Variants in HPR observed in about 807,000 individuals in gnomAD.
The protein encoded by HPR is haptoglobin-related protein, also known as Haptoglobin-related locus.
In HPR, 17 loss-of-function variants were observed where a neutral mutation model predicts 18.5. The ratio of observed to expected loss-of-function variants is 0.92; its 90% CI spans 0.63 to 1.38. The LOEUF (loss-of-function observed/expected upper bound fraction) is 1.38. HPR is among the 40% of genes most tolerant of loss of function. The pLI is 0.00. For synonymous variants in HPR, 176 were observed against 165.0 expected, an observed-to-expected ratio of 1.07 and a Z score of -0.51; for missense variants, 457 against 432.4, an observed-to-expected ratio of 1.06 and a Z score of -0.51.
chr16:72,076,607 C>T lies in HPR; in HGVS notation c.573C>T (p.Leu191=), dbSNP rs571997120. The change falls in exon 5 of 5, where the codon CTC becomes CTT. Residue 191 remains leucine, a synonymous_variant. Transcript: ENST00000540303. ...HPNYHQVDIG[L]IKLKQKVLVN... ...ACTACCACCAGGTAGATATTGGGCT[C>T]ATCAAACTCAAACAGAAGGTGCTTG... 3.3e-5 allele frequency: 54 copies of T among 1,614,196 alleles called. No individual in the cohort carries two copies. The highest frequency in any genetic ancestry group is 4.4e-5 in the Non-Finnish European group (52 of 1,180,014).
chr16:72,067,131 A>C (rs2041606276), intron 1 of HPR, among the ~76,000 whole-genome samples: 1 of 152,170 alleles, frequency 6.6e-6, no homozygotes, highest in African/African-American at 2.4e-5. Flanking sequence ...AAAAGGAGAG[A>C]GAAGCCCTTC....
At chr16:72,063,995 C>G (rs1245023575) in intron 1 of HPR, among the ~76,000 whole-genome samples, 1 of 152,144 alleles carries the variant, frequency 6.6e-6, no homozygotes, top group Non-Finnish European at 1.5e-5. Flanking sequence ...CTGTCTCGGC[C>G]TCCCAAAGTG....
At chr16:72,075,954 C>T (rs545682089) in intron 4 of HPR, among the ~76,000 whole-genome samples, 24 of 151,684 alleles carry the variant, frequency 1.6e-4, no homozygotes, top group Non-Finnish European at 2.9e-4. Flanking sequence ...GGATTACAGG[C>T]GTGAGCCACC....
chr16:72,076,717 A>G lies in HPR; in HGVS notation c.683A>G (p.Gln228Arg), dbSNP rs369168263. Residue 228 changes from glutamine to arginine, a missense_variant, in exon 5 of 5, where the codon CAA becomes CGA. Coordinates refer to ENST00000540303, the MANE Select transcript of HPR (RefSeq NM_020995.4). ...GTGGGTTACGTGTCTGGCTGGGGAC[A>G]AAGTGACAACTTTAAACTTACTGAC... Reference protein sequence around the residue: ...GRVGYVSGWGQSDNFKLTDHL... With the variant: ...GRVGYVSGWGRSDNFKLTDHL... 9 of 1,614,092 alleles carry G rather than the reference A, an allele frequency of 5.6e-6. No homozygotes were observed. Among genetic ancestry groups the G allele is most frequent in the South Asian group, 5.5e-5 (5 of 91,092 alleles).
chr16:72,076,953 G>C lies in HPR; in HGVS notation c.919G>C (p.Glu307Gln), dbSNP rs1310643627. 4.3e-6 allele frequency: 7 copies of C among 1,613,520 alleles called. 1 individual carries two copies. In the South Asian group the frequency reaches 7.7e-5, roughly 18 times the overall value. The part of the protein sequence containing the change: ...AGSAFAVHDL[E>Q]EDTWYAAGIL... The stretch of plus-strand genomic sequence containing the variant: ...CAGTGCCTTTGCCGTTCACGACCTG[G>C]AGGAGGACACCTGGTACGCGGCTGG... The change falls in exon 5 of 5, where the codon GAG becomes CAG. Residue 307 changes from glutamate to glutamine, a missense_variant. Coordinates refer to ENST00000540303, the MANE Select transcript of HPR (RefSeq NM_020995.4).
intron 3 of HPR, 198 bp downstream of exon 3, chr16:72,074,583 G>A (rs2041697387): frequency 2.8e-6 from 2 of 722,468 alleles, no homozygotes; most frequent in Non-Finnish European, 5.2e-6. Flanking sequence ...CAGGTTTTCT[G>A]TTTTGTTAAG....
intron 3 of HPR, chr16:72,074,680 A>G: frequency 7.1e-6 from 5 of 707,342 alleles, no homozygotes; most frequent in Non-Finnish European, 1.3e-5. Context: ...AGGAATGCTG[A>G]TGATGATGTC....
Position 72,074,162 on chromosome 16 carries a change from T to C in HPR, c.92-122T>C, listed in dbSNP as rs1300881339. Reference sequence around the variant, plus strand: ...GAAATGAGGGGAGCTTGAGCTTTCGTTGGCTTCTATTTGGGGTAGAAGGAG... The same window carrying C: ...GAAATGAGGGGAGCTTGAGCTTTCGCTGGCTTCTATTTGGGGTAGAAGGAG... On this transcript the variant is annotated intron_variant, in intron 2 of 4. Coordinates refer to ENST00000540303, the MANE Select transcript of HPR (RefSeq NM_020995.4). The C allele has an allele frequency of 2.6e-5, 33 of 1,253,954 alleles. No homozygotes were observed. The Admixed American group carries it at 5.6e-4, about 21-fold the overall frequency. The allele number at this position is 1,253,954 out of a possible 1,614,324, so 77.7% of individuals were successfully genotyped here.
intron 1 of HPR, among the ~76,000 whole-genome samples, chr16:72,070,159 T>C (rs2041639682): frequency 6.6e-6 from 1 of 152,212 alleles, no homozygotes; most frequent in Non-Finnish European, 1.5e-5. Context: ...TGTCTTCCTA[T>C]TGCCTTGTTA....
At chr16:72,076,212 A>G in intron 4 of HPR, 91 bp from the exon 5 acceptor site, 2 of 1,581,788 alleles carry the variant, frequency 1.3e-6, no homozygotes, top group South Asian at 1.1e-5. Context: ...CAGTTTATGC[A>G]GCAGTGACAG....
At chr16:72,072,745 C>G (rs144464667) in intron 1 of HPR, among the ~76,000 whole-genome samples, 106 of 152,200 alleles carry the variant, frequency 7.0e-4, no homozygotes, top group Middle Eastern at 3.4e-3. Flanking sequence ...TCCCTCAATC[C>G]TCCTCCTCCT....
At chr16:72,067,311 T>C (rs1399132597) in intron 1 of HPR, among the ~76,000 whole-genome samples, 1 of 152,192 alleles carries the variant, frequency 6.6e-6, no homozygotes, top group African/African-American at 2.4e-5. Flanking sequence ...CCTCATCTAA[T>C]GTTGCCTGCT....
intron 1 of HPR, 72 bp from the exon 2 acceptor site, chr16:72,073,816 CTGTG>C (rs772874389): frequency 3.1e-6 from 5 of 1,607,598 alleles, no homozygotes; most frequent in African/African-American, 1.3e-5. Context: ...GTGTACATGC[CTGTG>C]TGTGTGGATG....
chr16:72,076,617 A>C lies in HPR; in HGVS notation c.583A>C (p.Lys195Gln). The C allele has an allele frequency of 1.9e-6, 3 of 1,614,214 alleles. No individual in the cohort carries two copies. Among genetic ancestry groups the C allele is most frequent in the Admixed American group, 1.7e-5 (1 of 60,022 alleles). The stretch of plus-strand genomic sequence containing the variant: ...GGTAGATATTGGGCTCATCAAACTC[A>C]AACAGAAGGTGCTTGTTAATGAGAG... ...HQVDIGLIKL[K>Q]QKVLVNERVM... Residue 195 changes from lysine to glutamine, a missense_variant, in exon 5 of 5, where the codon AAA becomes CAA. Coordinates refer to ENST00000540303, the MANE Select transcript of HPR (RefSeq NM_020995.4).
chr16:72,070,800 A>C (rs1392662172), intron 1 of HPR, among the ~76,000 whole-genome samples: 1 of 152,202 alleles, frequency 6.6e-6, no homozygotes, highest in Non-Finnish European at 1.5e-5. Context: ...AAGTCAACCA[A>C]GTATAAGTAT....
At position 72,063,366 on chromosome 16, in the gene HPR, G is replaced by A. The variant is rs2041562754; in HGVS notation, c.5+106G>A. ...AATAGAACAAAGAAACAGGGCAAATGGGCTAAATTATAGTGAACCAAAGGG... is the reference window on the plus strand; with the variant it reads ...AATAGAACAAAGAAACAGGGCAAATAGGCTAAATTATAGTGAACCAAAGGG... On this transcript the variant is annotated intron_variant, in intron 1 of 4. Transcript: ENST00000540303. 2 of 1,319,148 alleles carry A rather than the reference G, an allele frequency of 1.5e-6. 1 individual carries two copies. Among genetic ancestry groups the A allele is most frequent in the Non-Finnish European group, 2.1e-6 (2 of 973,884 alleles). 81.7% of individuals were successfully genotyped at this position (1,319,148 alleles called of 1,614,324 possible).
intron 1 of HPR, among the ~76,000 whole-genome samples, chr16:72,070,011 G>C (rs1374469387): frequency 6.6e-6 from 1 of 152,108 alleles, no homozygotes; most frequent in Non-Finnish European, 1.5e-5. Context: ...TAAAAAGTTA[G>C]CCCAGGTACT....
At position 72,076,152 on chromosome 16, in the gene HPR, T is replaced by C. The variant is rs1027002205; in HGVS notation, c.269-151T>C. On this transcript the variant is annotated intron_variant, in intron 4 of 4. Coordinates refer to ENST00000540303, the MANE Select transcript of HPR (RefSeq NM_020995.4). ...AAAAAAATTATTTTAAAACTGCAAC[T>C]ATTGGAAATGAGATCAGCAGGTGGT... The C allele has an allele frequency of 8.1e-5, 118 of 1,451,454 alleles. 1 individual carries two copies. Among genetic ancestry groups the C allele is most frequent in the Non-Finnish European group, 1.0e-4 (114 of 1,090,558 alleles). The allele number at this position is 1,451,454 out of a possible 1,614,324, so 89.9% of individuals were successfully genotyped here. A position where few individuals can be genotyped will look rare whatever the true frequency, so the allele number is the denominator to read the frequency against.
intron 1 of HPR, among the ~76,000 whole-genome samples, chr16:72,071,274 T>G (rs1022579327): frequency 6.6e-6 from 1 of 152,206 alleles, no homozygotes; most frequent in African/African-American, 2.4e-5. Context: ...AGAGACAGGA[T>G]GTCAAGATGC....
Sources: gnomAD v4.1 joint callset for allele counts (sites outside exome capture counted in the v4.1 genomes callset) on GRCh38, gnomAD v4.1.1 for gene constraint, MANE v1.5 for transcripts, NCBI Gene and HGNC (gene_info 2026-07-23, HGNC 2026-07-21) for gene names.